SHISA9: variants seen among roughly 807,000 people sequenced by gnomAD.
The protein encoded by SHISA9 is shisa family member 9.
SHISA9 carries 13 observed loss-of-function variants against 38.0 expected under a neutral mutation model. The observed-to-expected ratio is 0.34, with a 90% CI of 0.22 to 0.54. SHISA9 has a LOEUF of 0.54. Ranked by LOEUF, SHISA9 falls within the 20% of genes least tolerant of loss-of-function variation. SHISA9 has a pLI of 0.91. For missense variants in SHISA9, 538 were observed against 575.8 expected (o/e 0.93, Z 0.67); for synonymous variants, 275 against 242.0 (o/e 1.14, Z -1.27).
At chr16:13,344,930 T>A in the SHISA9 span, among the ~76,000 whole-genome samples, 1 of 152,142 alleles carries the variant, frequency 6.6e-6, no homozygotes, top group African/African-American at 2.4e-5. Flanking sequence ...ACTCTGTTCA[T>A]TCTACAGGTA....
At chr16:13,077,094 G>A (rs1487781705) in intron 2 of SHISA9, among the ~76,000 whole-genome samples, 1 of 152,180 alleles carries the variant, frequency 6.6e-6, no homozygotes, top group African/African-American at 2.4e-5. Flanking sequence ...CAAAAGTACA[G>A]TCCAGCTAAT....
chr16:12,935,823 T>C (rs2071523959), intron 2 of SHISA9, among the ~76,000 whole-genome samples: 1 of 138,908 alleles, frequency 7.2e-6, no homozygotes, highest in Non-Finnish European at 1.5e-5. Context: ...TACTCCAGCC[T>C]GGGAAACAGA....
chr16:13,298,607 AC>A, the SHISA9 span, among the ~76,000 whole-genome samples: 1 of 152,050 alleles, frequency 6.6e-6, no homozygotes, highest in African/African-American at 2.4e-5. Context: ...CAGGATTTGA[AC>A]CCACTTTTGT....
At chr16:13,498,749 T>C in the SHISA9 span, among the ~76,000 whole-genome samples, 1 of 152,064 alleles carries the variant, frequency 6.6e-6, no homozygotes, top group Non-Finnish European at 1.5e-5. Context: ...AGAGTGAGAC[T>C]CCATCTCAAA....
chr16:13,281,720 A>G, the SHISA9 span, among the ~76,000 whole-genome samples: 1 of 151,780 alleles, frequency 6.6e-6, no homozygotes, highest in Middle Eastern at 3.4e-3. Flanking sequence ...TAGAGTTTAT[A>G]TGGAATCATA....
At chr16:13,097,818 T>C (rs1405474456) in intron 2 of SHISA9, among the ~76,000 whole-genome samples, 1 of 152,184 alleles carries the variant, frequency 6.6e-6, no homozygotes, top group Non-Finnish European at 1.5e-5. Flanking sequence ...TAGAAGTAAG[T>C]ACAGTAAAAT....
At chr16:12,989,611 T>C (rs1596567860) in intron 2 of SHISA9, among the ~76,000 whole-genome samples, 1 of 152,172 alleles carries the variant, frequency 6.6e-6, no homozygotes, top group Non-Finnish European at 1.5e-5. Flanking sequence ...CCTGTTTTTT[T>C]CTAAGAATGT....
At chr16:13,109,308 G>A (rs1045062145) in intron 2 of SHISA9, among the ~76,000 whole-genome samples, 4 of 152,090 alleles carry the variant, frequency 2.6e-5, no homozygotes, top group Non-Finnish European at 5.9e-5. Flanking sequence ...CTGCGGGCAG[G>A]CATCACCATG....
chr16:12,985,640 A>G (rs566431947), intron 2 of SHISA9, among the ~76,000 whole-genome samples: 1 of 152,318 alleles, frequency 6.6e-6, no homozygotes, highest in South Asian at 2.1e-4. Flanking sequence ...AGATGTCATC[A>G]TTTGTCTGCC....
the SHISA9 span, among the ~76,000 whole-genome samples, chr16:13,262,656 G>T: frequency 1.0e-5 from 1 of 100,440 alleles, no homozygotes; most frequent in Non-Finnish European, 2.2e-5. Context: ...AAGGAAGGAA[G>T]GAAGGAAGGA....
chr16:12,950,903 C>T (rs147700565), intron 2 of SHISA9, among the ~76,000 whole-genome samples: 1,506 of 148,318 alleles, frequency 0.01, 6 homozygotes, highest in East Asian at 0.03. Flanking sequence ...CCACTGCGCC[C>T]GGCCCTTTTA....
intron 4 of SHISA9, among the ~76,000 whole-genome samples, chr16:13,222,311 C>G (rs1249664557): frequency 6.6e-6 from 1 of 152,140 alleles, no homozygotes; most frequent in Non-Finnish European, 1.5e-5. Flanking sequence ...GTGGGCAGCT[C>G]TACTCCGAGT....
chr16:13,213,256 G>A lies in SHISA9; in HGVS notation c.851G>A (p.Ser284Asn), dbSNP rs2051137414. 3 of 1,551,668 alleles carry A rather than the reference G, an allele frequency of 1.9e-6. No homozygotes were observed. Among genetic ancestry groups the A allele is most frequent in the Non-Finnish European group, 2.6e-6 (3 of 1,146,984 alleles). ...NKYASLKAVG[S>N]SDGDWAVSTL... ...TTCTTGATTGTTATTTTTTTAGGAA[G>A]TTCTGATGGTGACTGGGCAGTATCG... The change falls in exon 4 of 5, where the codon AGT (serine) becomes AAT (asparagine). Residue 284 changes from serine (S) to asparagine (N), a missense_variant. By Grantham distance (46) the Ser-to-Asn change is conservative. Transcript: ENST00000558583.
At chr16:12,915,342 C>T (rs2071240113) in intron 1 of SHISA9, among the ~76,000 whole-genome samples, 1 of 152,124 alleles carries the variant, frequency 6.6e-6, no homozygotes, top group Non-Finnish European at 1.5e-5. Flanking sequence ...GTGGCATGTG[C>T]CTGTGGTCCC....
the SHISA9 span, among the ~76,000 whole-genome samples, chr16:13,355,956 GA>G: frequency 6.6e-6 from 1 of 152,230 alleles, no homozygotes; most frequent in African/African-American, 2.4e-5. Context: ...GTCCCACAGA[GA>G]TGGGACGTGG....
the SHISA9 span, chr16:13,458,348 G>A: frequency 1.1e-3 from 373 of 339,882 alleles, 1 homozygote; most frequent in African/African-American, 7.8e-3. Flanking sequence ...CGTGATCACT[G>A]ATTTGGACCA....
the SHISA9 span, among the ~76,000 whole-genome samples, chr16:13,313,904 A>C: frequency 6.6e-6 from 1 of 152,204 alleles, no homozygotes; most frequent in Non-Finnish European, 1.5e-5. Context: ...GCCAAAAGAA[A>C]TTACACATTA....
chr16:13,458,680 T>C, the SHISA9 span: 214 of 288,116 alleles, frequency 7.4e-4, no homozygotes, highest in Non-Finnish European at 1.3e-3. Context: ...ATAACCTTGA[T>C]TAGATCTTGA....
At chr16:13,473,841 C>A in the SHISA9 span, among the ~76,000 whole-genome samples, 3 of 152,150 alleles carry the variant, frequency 2.0e-5, no homozygotes, top group African/African-American at 7.2e-5. Flanking sequence ...GCTATTCTTG[C>A]ATCTGATTTT....
Sources: allele counts gnomAD v4.1 joint callset (sites outside exome capture counted in the v4.1 genomes callset), GRCh38; gene constraint gnomAD v4.1.1; transcripts MANE v1.5; gene names NCBI Gene and HGNC (gene_info 2026-07-23, HGNC 2026-07-21).